Variants in RHOQ observed in about 807,000 individuals in gnomAD.
The protein encoded by RHOQ is rho-related GTP-binding protein RhoQ.
In RHOQ, 7 loss-of-function variants were observed where a neutral mutation model predicts 25.8. That is an observed-to-expected ratio of 0.27 (90% CI 0.15 to 0.51). The LOEUF (loss-of-function observed/expected upper bound fraction) is 0.51, where lower values mean the gene tolerates loss of function less well. Ranked by LOEUF, RHOQ falls within the 20% of genes least tolerant of loss-of-function variation. RHOQ has a pLI of 0.97. For missense variants in RHOQ, 165 were observed against 260.6 expected (o/e 0.63, Z 2.53); for synonymous variants, 97 against 98.6 (o/e 0.98, Z 0.10).
rs372730370 is a variant in RHOQ at position 46,543,758 on chromosome 2, C to T, written c.147C>T (p.Ser49=). Residue 49 remains serine (S), a synonymous_variant, in exon 2 of 5, where the codon AGC becomes AGT. Coordinates refer to ENST00000238738, the MANE Select transcript of RHOQ (RefSeq NM_012249.4). ...VPTVFDHYAV[S]VTVGGKQYLL... ...CCCCCACTTCTGTCCTTGCAGTCAG[C>T]GTCACCGTGGGGGGCAAGCAGTACC... The T allele has an allele frequency of 2.5e-6, 4 of 1,613,428 alleles. No individual in the cohort carries two copies. The highest frequency in any genetic ancestry group is 2.5e-6 in the Non-Finnish European group (3 of 1,179,762).
chr2:46,567,808 A>G (rs1013079266), intron 2 of RHOQ, among the ~76,000 whole-genome samples: 1 of 152,124 alleles, frequency 6.6e-6, no homozygotes, highest in Non-Finnish European at 1.5e-5. Flanking sequence ...TATAATCCCA[A>G]CATTTTAGGG....
At chr2:46,545,268 C>T (rs182907769) in intron 2 of RHOQ, among the ~76,000 whole-genome samples, 2 of 152,222 alleles carry the variant, frequency 1.3e-5, no homozygotes, top group South Asian at 2.1e-4. Context: ...ACTTTTAAGT[C>T]GTATTATTGA....
At position 46,584,191 on chromosome 2, in the gene RHOQ, T is replaced by C. The variant is rs1045692191; in HGVS notation, c.*3108T>C. On this transcript the variant is annotated 3_prime_UTR_variant, in exon 5 of 5. Transcript: ENST00000238738. The stretch of plus-strand genomic sequence containing the variant: ...TTTAACAGTGTCCCTTCTTAACACA[T>C]GGGGTTACAAATAAAATACTATGCA... 6.6e-6 allele frequency among the ~76,000 whole-genome samples: 1 copy of C among 152,194 alleles called. No individual in the cohort carries two copies. Among genetic ancestry groups the C allele is most frequent in the African/African-American group, 2.4e-5 (1 of 41,462 alleles).
chr2:46,581,003 A>T lies in RHOQ; in HGVS notation c.538A>T (p.Ile180Leu), dbSNP rs1292240388. 1.9e-6 allele frequency: 3 copies of T among 1,591,178 alleles called. No homozygotes were observed. In the African/African-American group the frequency reaches 4.1e-5, roughly 22 times the overall value. ...GLKTVFDEAI[I>L]AILTPKKHTV... ...GAAGACTGTTTTTGATGAGGCTATCATAGCCATTTTAACTCCAAAGAAACA... is the reference window on the plus strand; with the variant it reads ...GAAGACTGTTTTTGATGAGGCTATCTTAGCCATTTTAACTCCAAAGAAACA... Residue 180 changes from isoleucine (I) to leucine (L), a missense_variant, in exon 5 of 5, where the codon ATA becomes TTA. By Grantham distance (5) the Ile-to-Leu change is conservative. Coordinates refer to ENST00000238738, the MANE Select transcript of RHOQ (RefSeq NM_012249.4).
chr2:46,546,049 T>G (rs566942739), intron 2 of RHOQ, among the ~76,000 whole-genome samples: 1 of 152,254 alleles, frequency 6.6e-6, no homozygotes, highest in South Asian at 2.1e-4. Context: ...TGTCTAGACT[T>G]TTGTTTTTGC....
chr2:46,550,314 G>A (rs1363844288), intron 2 of RHOQ, among the ~76,000 whole-genome samples: 1 of 151,968 alleles, frequency 6.6e-6, no homozygotes, highest in East Asian at 1.9e-4. Flanking sequence ...AAGGACTAAA[G>A]TCATAGCTGC....
In RHOQ at chr2:46,563,543, G is replaced by T. The variant is rs559010621; in HGVS notation, c.202-12544G>T. Among the ~76,000 whole-genome samples the T allele has an allele frequency of 1.1e-4, 17 of 152,330 alleles. No individual in the cohort carries two copies. The East Asian group carries it at 2.1e-3, about 19-fold the overall frequency. The stretch of plus-strand genomic sequence containing the variant: ...GAAGAAGATAAAGGGAAGTAATACA[G>T]AATAGGCAGGGGAGGGGAGGGCATC... On this transcript the variant is annotated intron_variant, in intron 2 of 4. Transcript: ENST00000238738.
chr2:46,568,034 A>G (rs768861129), intron 2 of RHOQ, among the ~76,000 whole-genome samples: 4 of 152,160 alleles, frequency 2.6e-5, no homozygotes, highest in Non-Finnish European at 5.9e-5. Flanking sequence ...ATGCTACTGC[A>G]CTCCAGCCTG....
At chr2:46,557,536 T>C (rs181723634) in intron 2 of RHOQ, among the ~76,000 whole-genome samples, 74 of 152,158 alleles carry the variant, frequency 4.9e-4, no homozygotes, top group Admixed American at 3.9e-3. Context: ...CAGAACAAAA[T>C]AGTCAAAATG....
chr2:46,578,949 T>C (rs1157589304), intron 4 of RHOQ, among the ~76,000 whole-genome samples: 3 of 152,148 alleles, frequency 2.0e-5, no homozygotes, highest in East Asian at 3.8e-4. Context: ...TTGTACCTTA[T>C]ATAAAATTAT....
intron 2 of RHOQ, among the ~76,000 whole-genome samples, chr2:46,563,212 A>G (rs1006577789): frequency 1.8e-4 from 28 of 152,166 alleles, no homozygotes; most frequent in African/African-American, 6.8e-4. Flanking sequence ...AGAGGGTCCT[A>G]CACTCGTGGT....
In RHOQ at chr2:46,566,843, A is replaced by C. The variant is rs1400717915; in HGVS notation, c.202-9244A>C. ...CAGGTTGAACATCACCCCTGCAGAG[A>C]GGTCTTTCTTGCCTGCGCAGACTGA... On this transcript the variant is annotated intron_variant, in intron 2 of 4. Transcript: ENST00000238738. The surrounding 1 kb of genome is among the most constrained non-coding windows in gnomAD (Gnocchi z 4.2). Among the ~76,000 whole-genome samples, 2 of 152,148 alleles carry C rather than the reference A, an allele frequency of 1.3e-5. No individual in the cohort carries two copies. The highest frequency in any genetic ancestry group is 4.8e-5 in the African/African-American group (2 of 41,426).
At chr2:46,549,112 C>T (rs1668161263) in intron 2 of RHOQ, among the ~76,000 whole-genome samples, 1 of 152,168 alleles carries the variant, frequency 6.6e-6, no homozygotes, top group Non-Finnish European at 1.5e-5. Flanking sequence ...TTTGGCTTCT[C>T]CACTTCCATC....
intron 2 of RHOQ, chr2:46,568,251 T>G (rs34327078): frequency 0.067 from 10,177 of 152,124 alleles, 385 homozygotes; most frequent in Middle Eastern, 0.12. Context: ...GACTGACAAA[T>G]CCAGTTTCTC....
chr2:46,544,264 T>C (rs950985374), intron 2 of RHOQ, among the ~76,000 whole-genome samples: 6 of 152,222 alleles, frequency 3.9e-5, no homozygotes, highest in Non-Finnish European at 2.9e-5. Context: ...CATTTGGTCC[T>C]GGTTATGTTT....
At position 46,552,750 on chromosome 2, in the gene RHOQ, G is replaced by A. The variant is rs1363776364; in HGVS notation, c.201+8938G>A. On this transcript the variant is annotated intron_variant, in intron 2 of 4. Transcript: ENST00000238738. This position sits in a 1 kb window ranked among gnomAD's most constrained non-coding sequence, Gnocchi z 5.0. The stretch of plus-strand genomic sequence containing the variant: ...CACCAGATCTGGGCCAGGGGCAGGT[G>A]TTAGAAGATCTGTCAGGCACAGGCC... Among the ~76,000 whole-genome samples the A allele has an allele frequency of 6.6e-6, 1 of 152,238 alleles. No homozygotes were observed. The highest frequency in any genetic ancestry group is 6.5e-5 in the Admixed American group (1 of 15,288).
chr2:46,574,013 G>A (rs186754380), intron 2 of RHOQ, among the ~76,000 whole-genome samples: 3 of 152,344 alleles, frequency 2.0e-5, no homozygotes, highest in Non-Finnish European at 4.4e-5. Flanking sequence ...GCTGAGGCAA[G>A]TGTGGGACTC....
chr2:46,544,639 A>G (rs890988463), intron 2 of RHOQ, among the ~76,000 whole-genome samples: 1 of 152,150 alleles, frequency 6.6e-6, no homozygotes, highest in African/African-American at 2.4e-5. Flanking sequence ...CTCTTCCCAA[A>G]CCCACTTTTG....
At chr2:46,559,556 G>C (rs1025155229) in intron 2 of RHOQ, among the ~76,000 whole-genome samples, 1 of 151,958 alleles carries the variant, frequency 6.6e-6, no homozygotes, top group Admixed American at 6.6e-5. Flanking sequence ...TGTTTGTTGT[G>C]GGGGGGCTGT....
Sources: gnomAD v4.1 joint callset for allele counts (sites outside exome capture counted in the v4.1 genomes callset) on GRCh38, gnomAD v4.1.1 for gene constraint, Gnocchi (gnomAD v3.1) non-coding constraint, MANE v1.5 for transcripts, NCBI Gene and HGNC (gene_info 2026-07-23, HGNC 2026-07-21) for gene names.